RGS6: variants seen among roughly 807,000 people sequenced by gnomAD.
The protein encoded by RGS6 is regulator of G protein signaling 6, also known as regulator of G-protein signaling 6.
RGS6 carries 30 observed loss-of-function variants against 78.5 expected under a neutral mutation model. The ratio of observed to expected loss-of-function variants is 0.38; its 90% CI spans 0.29 to 0.52. The LOEUF is 0.52. RGS6 is among the 20% of genes least tolerant of loss of function. RGS6 has a pLI of 0.85. For missense variants in RGS6, 495 were observed against 609.7 expected (o/e 0.81, Z 1.98); for synonymous variants, 206 against 206.0 (o/e 1.00, Z 0.00).
intron 2 of RGS6, among the ~76,000 whole-genome samples, chr14:72,007,982 C>T (rs2084913926): frequency 6.6e-6 from 1 of 152,152 alleles, no homozygotes; most frequent in South Asian, 2.1e-4. Context: ...AACTAACTCC[C>T]CAAGCACATG....
intron 2 of RGS6, among the ~76,000 whole-genome samples, chr14:72,311,487 T>TAA (rs1340750294): frequency 1.4e-5 from 2 of 145,656 alleles, no homozygotes; most frequent in African/African-American, 5.0e-5. Flanking sequence ...GAGCCTTTTG[T>TAA]AAAAAAAAAA....
rs530059762 is a variant in RGS6 at position 72,063,402 on chromosome 14, G to A, written c.84+98527G>A. Among the ~76,000 whole-genome samples, 28 of 152,310 alleles carry A rather than the reference G, an allele frequency of 1.8e-4. 1 individual carries two copies. In the South Asian group the frequency reaches 5.4e-3, roughly 29 times the overall value. ...ACTGGAACACAGGATATAGCAGCAT[G>A]GAGATCATGGTGACATTGACAATAT... On this transcript the variant is annotated intron_variant, in intron 2 of 17. Coordinates refer to ENST00000553525, the MANE Select transcript of RGS6 (RefSeq NM_001204424.2).
chr14:72,309,576 C>G (rs1475116778), intron 2 of RGS6, among the ~76,000 whole-genome samples: 1 of 152,196 alleles, frequency 6.6e-6, no homozygotes, highest in Non-Finnish European at 1.5e-5. Flanking sequence ...TTTCCTTTAC[C>G]TAATCCTCAG....
At chr14:72,067,541 C>A (rs537772654) in intron 2 of RGS6, among the ~76,000 whole-genome samples, 2 of 146,400 alleles carry the variant, frequency 1.4e-5, no homozygotes, top group East Asian at 1.9e-4. Flanking sequence ...GGGTTTAGTG[C>A]GGCACTTTTT....
intron 2 of RGS6, among the ~76,000 whole-genome samples, chr14:72,349,303 C>T (rs2152725772): frequency 6.6e-6 from 1 of 152,312 alleles, no homozygotes; most frequent in South Asian, 2.1e-4. Context: ...CTTGAAATAA[C>T]AACTATTCTG....
chr14:72,462,087 T>C (rs2095796742), intron 6 of RGS6, among the ~76,000 whole-genome samples: 2 of 152,156 alleles, frequency 1.3e-5, no homozygotes, highest in Non-Finnish European at 2.9e-5. Context: ...TATAGTATGA[T>C]TTGGACTGAT....
chr14:72,021,591 C>G (rs1263938293), intron 2 of RGS6, among the ~76,000 whole-genome samples: 3 of 151,482 alleles, frequency 2.0e-5, no homozygotes, highest in African/African-American at 7.3e-5. Context: ...GCCTCAGCCT[C>G]CCGAGTAGCT....
At chr14:71,979,690 G>T (rs1301846994) in intron 2 of RGS6, among the ~76,000 whole-genome samples, 4 of 152,096 alleles carry the variant, frequency 2.6e-5, no homozygotes, top group Non-Finnish European at 5.9e-5. Flanking sequence ...CCAAGTATGT[G>T]GTCAATTTTG....
At chr14:72,352,036 T>C in intron 2 of RGS6, 59 bp from the exon 3 acceptor site, 1 of 1,309,726 alleles carries the variant, frequency 7.6e-7, no homozygotes, top group Admixed American at 2.0e-5. Context: ...TTTAAAAAGG[T>C]ACCATTTATA....
chr14:72,605,818 G>A, the RGS6 span, among the ~76,000 whole-genome samples: 32 of 152,234 alleles, frequency 2.1e-4, 1 homozygote, highest in Admixed American at 1.0e-3. Flanking sequence ...TCATGGGACC[G>A]AGGTGACCTC....
chr14:72,147,177 C>T (rs1310659806), intron 2 of RGS6, among the ~76,000 whole-genome samples: 1 of 152,246 alleles, frequency 6.6e-6, no homozygotes, highest in Non-Finnish European at 1.5e-5. Context: ...ATGCCCCATT[C>T]ATGACAATCT....
chr14:72,125,492 A>G (rs2096166944), intron 2 of RGS6, among the ~76,000 whole-genome samples: 1 of 152,170 alleles, frequency 6.6e-6, no homozygotes, highest in Non-Finnish European at 1.5e-5. Context: ...CAAGCTAATC[A>G]CTGAGACAAC....
intron 12 of RGS6, among the ~76,000 whole-genome samples, chr14:72,483,095 A>G (rs1446961886): frequency 2.0e-5 from 3 of 152,136 alleles, no homozygotes; most frequent in Non-Finnish European, 4.4e-5. Flanking sequence ...AAGCGTCCCC[A>G]AGGGAGTCCC....
chr14:72,410,808 C>T (rs905169043), intron 3 of RGS6, among the ~76,000 whole-genome samples: 1 of 152,180 alleles, frequency 6.6e-6, no homozygotes, highest in African/African-American at 2.4e-5. Context: ...TTTCCCAGCA[C>T]CATTTATTAA....
chr14:72,388,334 A>G (rs1382920534), intron 3 of RGS6, among the ~76,000 whole-genome samples: 1 of 152,228 alleles, frequency 6.6e-6, no homozygotes, highest in Non-Finnish European at 1.5e-5. Context: ...TGACCCAAAT[A>G]TGTGCTGATG....
chr14:72,477,845 A>G (rs2096277803), intron 11 of RGS6, among the ~76,000 whole-genome samples: 1 of 151,986 alleles, frequency 6.6e-6, no homozygotes, highest in South Asian at 2.1e-4. Flanking sequence ...AAAAAAAGCT[A>G]TTTGATGATT....
At chr14:72,082,757 G>A (rs1465740948) in intron 2 of RGS6, among the ~76,000 whole-genome samples, 2 of 152,066 alleles carry the variant, frequency 1.3e-5, no homozygotes, top group African/African-American at 2.4e-5. Flanking sequence ...AGTTCTTGGG[G>A]GAAATAAGCA....
chr14:71,873,154 T>C, the RGS6 span, among the ~76,000 whole-genome samples: 2 of 152,246 alleles, frequency 1.3e-5, no homozygotes, highest in East Asian at 1.9e-4. Flanking sequence ...TGGGTATATA[T>C]CCAGTAATGG....
intron 1 of RGS6, among the ~76,000 whole-genome samples, chr14:71,950,761 A>C (rs2152993427): frequency 6.6e-6 from 1 of 152,324 alleles, no homozygotes; most frequent in East Asian, 1.9e-4. Context: ...ACTTGAACAG[A>C]CACTTGTCAA....
Sources: allele counts gnomAD v4.1 joint callset (sites outside exome capture counted in the v4.1 genomes callset), GRCh38; gene constraint gnomAD v4.1.1; transcripts MANE v1.5; gene names NCBI Gene and HGNC (gene_info 2026-07-23, HGNC 2026-07-21).